Variants in JMJD1C observed in about 807,000 individuals in gnomAD.
The protein encoded by JMJD1C is jumonji domain-containing protein 1C.
JMJD1C carries 31 observed loss-of-function variants against 245.3 expected under a neutral mutation model. The observed-to-expected ratio is 0.13, with a 90% CI of 0.09 to 0.17. The LOEUF is 0.17. Ranked by LOEUF, JMJD1C falls within the 10% of genes least tolerant of loss-of-function variation. The pLI, the probability that JMJD1C is intolerant of heterozygous loss-of-function variation, is 1.00. For synonymous variants in JMJD1C, 1,057 were observed against 1,017.4 expected, an observed-to-expected ratio of 1.04 and a Z score of -0.74; for missense variants, 2,691 against 3,000.2, an observed-to-expected ratio of 0.90 and a Z score of 2.41.
At chr10:63,283,516 G>A (rs969594845) in intron 2 of JMJD1C, among the ~76,000 whole-genome samples, 9 of 151,890 alleles carry the variant, frequency 5.9e-5, no homozygotes, top group Admixed American at 5.3e-4. Context: ...ACAGGCGCCC[G>A]CCACCACACC....
intron 1 of JMJD1C, among the ~76,000 whole-genome samples, chr10:63,474,295 TCTC>T (rs1471214879): frequency 2.6e-5 from 4 of 152,066 alleles, no homozygotes; most frequent in Non-Finnish European, 2.9e-5. Context: ...TTGCTGAGTC[TCTC>T]CTCAATCGCT....
At chr10:63,439,968 G>A (rs780087398) in intron 1 of JMJD1C, among the ~76,000 whole-genome samples, 4 of 152,212 alleles carry the variant, frequency 2.6e-5, no homozygotes, top group South Asian at 4.1e-4. Context: ...TGCCTAAGGT[G>A]ACAGTGAGAT....
At chr10:63,311,370 C>T (rs1408694807) in intron 2 of JMJD1C, among the ~76,000 whole-genome samples, 1 of 152,030 alleles carries the variant, frequency 6.6e-6, no homozygotes, top group South Asian at 2.1e-4. Flanking sequence ...CAGAGTGAGA[C>T]TCTGTCTCAA....
rs1254394377 is a variant in JMJD1C at position 63,372,095 on chromosome 10, G to A, written c.333+8223C>T. On this transcript the variant is annotated intron_variant, in intron 2 of 25. Coordinates refer to ENST00000399262, the MANE Select transcript of JMJD1C (RefSeq NM_032776.3). The stretch of plus-strand genomic sequence containing the variant: ...GATATAAAGGTAATCTTGTCCCAAA[G>A]AGCAGTGAACTCTATTCTCCTTTGA... 6.6e-5 allele frequency among the ~76,000 whole-genome samples: 10 copies of A among 152,174 alleles called. No individual in the cohort carries two copies. In the East Asian group the frequency reaches 1.5e-3, roughly 23 times the overall value.
At chr10:63,474,983 G>A (rs1411433236) in intron 1 of JMJD1C, among the ~76,000 whole-genome samples, 1 of 152,166 alleles carries the variant, frequency 6.6e-6, no homozygotes, top group Non-Finnish European at 1.5e-5. Flanking sequence ...GGGGTGGGTA[G>A]TATTGACTGT....
chr10:63,208,381 T>C lies in JMJD1C; in HGVS notation c.3288A>G (p.Thr1096=), dbSNP rs553346839. 201 of 1,613,494 alleles carry C rather than the reference T, an allele frequency of 1.2e-4. 4 individuals carry two copies. In the South Asian group the frequency reaches 2.0e-3, roughly 16 times the overall value. Residue 1096 remains threonine (T), a synonymous_variant, in exon 10 of 26, where the codon ACA becomes ACG. Transcript: ENST00000399262. ...QSLPQSNYFT[T]LSNSVVNEPP... is the part of the protein sequence containing the mutation. ...GTTCATTGACCACACTATTAGACAATGTAGTGAAATAGTTACTTTGGGGTA... is the reference window on the plus strand; with the variant it reads ...GTTCATTGACCACACTATTAGACAACGTAGTGAAATAGTTACTTTGGGGTA...
chr10:63,247,077 AAGTG>A (rs1852301672), intron 3 of JMJD1C, among the ~76,000 whole-genome samples: 1 of 151,382 alleles, frequency 6.6e-6, no homozygotes, highest in Non-Finnish European at 1.5e-5. Flanking sequence ...GACATAATAA[AAGTG>A]AGAACGGAAA....
chr10:63,514,125 AAAC>A (rs1383597117), intron 1 of JMJD1C, among the ~76,000 whole-genome samples: 1 of 152,190 alleles, frequency 6.6e-6, no homozygotes, highest in African/African-American at 2.4e-5. Context: ...AAAAGTCAAA[AAAC>A]AACAGATGTT....
intron 13 of JMJD1C, among the ~76,000 whole-genome samples, chr10:63,195,353 CAA>C (rs56809186): frequency 9.1e-5 from 10 of 109,694 alleles, no homozygotes; most frequent in Admixed American, 2.1e-4. Flanking sequence ...GACACCATCT[CAA>C]AAAAAAAAAA....
intron 1 of JMJD1C, among the ~76,000 whole-genome samples, chr10:63,449,101 A>T (rs1951880005): frequency 6.6e-6 from 1 of 152,160 alleles, no homozygotes; most frequent in African/African-American, 2.4e-5. Context: ...TTGATGACAG[A>T]GCAAGACTCC....
intron 2 of JMJD1C, among the ~76,000 whole-genome samples, chr10:63,363,984 T>A (rs933632218): frequency 6.6e-6 from 1 of 151,582 alleles, no homozygotes; most frequent in East Asian, 1.9e-4. Context: ...GCCTCCTGAG[T>A]AGCTGGGATT....
intron 1 of JMJD1C, among the ~76,000 whole-genome samples, chr10:63,381,395 C>G (rs528762568): frequency 3.3e-5 from 5 of 152,022 alleles, no homozygotes; most frequent in Non-Finnish European, 7.4e-5. Flanking sequence ...TGCCTTTAGT[C>G]CCAGCTACTC....
chr10:63,174,935 T>C (rs1026644306), intron 24 of JMJD1C, among the ~76,000 whole-genome samples: 4 of 152,176 alleles, frequency 2.6e-5, no homozygotes, highest in African/African-American at 9.6e-5. Context: ...TACCTAACTA[T>C]GCATTTGTTG....
chr10:63,521,854 C>T, upstream of JMJD1C: 1 of 183,656 alleles, frequency 5.4e-6, no homozygotes, highest in East Asian at 1.3e-4. Context: ...TGCGGCGCGG[C>T]GCCCCTGCTC....
At chr10:63,204,588 C>T in intron 10 of JMJD1C, 7 of 985,394 alleles carry the variant, frequency 7.1e-6, no homozygotes, top group Non-Finnish European at 8.4e-6. Flanking sequence ...ATTGCTCACA[C>T]TAAGCCTATT....
At chr10:63,407,456 T>C (rs1564887865) in intron 1 of JMJD1C, among the ~76,000 whole-genome samples, 2 of 152,090 alleles carry the variant, frequency 1.3e-5, no homozygotes, top group African/African-American at 2.4e-5. Context: ...CTAACCACTT[T>C]AAAAAAATCT....
At chr10:63,204,159 T>C (rs1387983033) in intron 10 of JMJD1C, 2 of 984,060 alleles carry the variant, frequency 2.0e-6, no homozygotes, top group Non-Finnish European at 2.4e-6. Flanking sequence ...CTTTTCTAGG[T>C]AGCCTAGAAC....
intron 1 of JMJD1C, among the ~76,000 whole-genome samples, chr10:63,517,817 G>T (rs1056252852): frequency 8.9e-6 from 1 of 112,676 alleles, no homozygotes; most frequent in Non-Finnish European, 1.7e-5. Context: ...TTTTGAGACA[G>T]AGTCTCACTC....
intron 1 of JMJD1C, among the ~76,000 whole-genome samples, chr10:63,504,839 G>A (rs1473189440): frequency 6.6e-6 from 1 of 152,086 alleles, no homozygotes; most frequent in African/African-American, 2.4e-5. Flanking sequence ...AACAAAACAA[G>A]ACCCTGTCTC....
Sources: allele counts gnomAD v4.1 joint callset (sites outside exome capture counted in the v4.1 genomes callset), GRCh38; gene constraint gnomAD v4.1.1; transcripts MANE v1.5; gene names NCBI Gene and HGNC (gene_info 2026-07-23, HGNC 2026-07-21).